Variants in IFT22 observed in about 807,000 individuals in gnomAD.
The protein encoded by IFT22 is intraflagellar transport 22, also known as intraflagellar transport protein 22 homolog.
A neutral mutation model predicts 21.0 loss-of-function variants in IFT22; 13 were observed. That is an observed-to-expected ratio of 0.62 (90% CI 0.40 to 0.98). The LOEUF is 0.98. Ranked by LOEUF, IFT22 falls within the 50% of genes least tolerant of loss-of-function variation. The pLI is 0.00. For synonymous variants in IFT22, 67 were observed against 82.4 expected (o/e 0.81, Z 1.01); for missense variants, 227 against 228.9 (o/e 0.99, Z 0.06).
intron 2 of IFT22, 122 bp downstream of exon 2, chr7:101,318,834 C>A: frequency 1.4e-6 from 1 of 722,984 alleles, no homozygotes; most frequent in South Asian, 1.6e-5. Context: ...CGGGGTCTCC[C>A]TATATTGCCC....
chr7:101,320,173 A>T (rs2410816), intron 1 of IFT22, among the ~76,000 whole-genome samples: 92,506 of 151,032 alleles, frequency 0.61, 30,436 homozygotes, highest in African/African-American at 0.88. Context: ...CTCAGGCTGG[A>T]CTCGAACTCC....
Position 101,311,927 on chromosome 7 carries a change from G to A in IFT22, c.*3207C>T, listed in dbSNP as rs941317296. Among the ~76,000 whole-genome samples the A allele has an allele frequency of 6.6e-6, 1 of 152,088 alleles. No individual in the cohort carries two copies. Among genetic ancestry groups the A allele is most frequent in the Non-Finnish European group, 1.5e-5 (1 of 68,020 alleles). On this transcript the variant is annotated 3_prime_UTR_variant, in exon 5 of 5. Transcript: ENST00000315322. ...GGAGGCTGAGGGAGGAGAATCAGTT[G>A]AACCCGGAGGGTGGAGATTGCAGTG...
At chr7:101,319,577 T>A (rs1179321482) in intron 1 of IFT22, among the ~76,000 whole-genome samples, 1 of 151,432 alleles carries the variant, frequency 6.6e-6, no homozygotes, top group Admixed American at 6.6e-5. Flanking sequence ...GACTCGTGGC[T>A]AGCTGTCTCA....
At chr7:101,317,150 AATT>A (rs879343077) in intron 3 of IFT22, among the ~76,000 whole-genome samples, 107 of 151,392 alleles carry the variant, frequency 7.1e-4, no homozygotes, top group African/African-American at 2.3e-3. Context: ...ATTAAAAAAA[AATT>A]ATTATTATTA....
intron 4 of IFT22, 79 bp downstream of exon 4, chr7:101,316,261 G>T: frequency 7.2e-7 from 1 of 1,381,310 alleles, no homozygotes; most frequent in Non-Finnish European, 1.0e-6. Context: ...CAGAGCTGCT[G>T]GTTTCTAGGA....
chr7:101,318,093 G>C (rs1289468335), intron 3 of IFT22, 31 bp downstream of exon 3: 4 of 1,580,306 alleles, frequency 2.5e-6, no homozygotes, highest in Non-Finnish European at 3.5e-6. Flanking sequence ...TAAACCATTT[G>C]ATGAAGTGAC....
In IFT22 at chr7:101,312,533, G is replaced by GTT. The variant is rs386410832; in HGVS notation, c.*2599_*2600dup. The stretch of plus-strand genomic sequence containing the variant: ...TAAATATAATGTTTTGGAGAGAGTT[G>GTT]TTTTTTTTTTTTTTTTTTTTGTGAC... On this transcript the variant is annotated 3_prime_UTR_variant, in exon 5 of 5. Coordinates refer to ENST00000315322, the MANE Select transcript of IFT22 (RefSeq NM_022777.4). Among the ~76,000 whole-genome samples the GTT allele has an allele frequency of 0.016, 1,842 of 114,518 alleles. 141 individuals are homozygous for GTT. Among genetic ancestry groups the GTT allele is most frequent in the African/African-American group, 0.054 (1,662 of 30,566 alleles). The allele number at this position is 114,518 out of a possible 152,430, so 75.1% of individuals were successfully genotyped here.
rs1361594683 is a variant in IFT22 at position 101,321,736 on chromosome 7, G to T, written c.-27C>A. The T allele has an allele frequency of 1.9e-6, 3 of 1,578,430 alleles. No individual in the cohort carries two copies. The highest frequency in any genetic ancestry group is 2.3e-5 in the East Asian group (1 of 43,182). On this transcript the variant is annotated 5_prime_UTR_variant, in exon 1 of 5. Coordinates refer to ENST00000315322, the MANE Select transcript of IFT22 (RefSeq NM_022777.4). Reference sequence around the variant, plus strand: ...GTTGTCCGCCGCGGCTTAGCCGGCCGGAGCCCACGGGAGGCGGCGCGTCAG... The same window carrying T: ...GTTGTCCGCCGCGGCTTAGCCGGCCTGAGCCCACGGGAGGCGGCGCGTCAG...
At chr7:101,315,362 G>A (rs1053811389) in intron 4 of IFT22, 80 bp from the exon 5 acceptor site, 21 of 1,477,968 alleles carry the variant, frequency 1.4e-5, no homozygotes, top group Non-Finnish European at 1.9e-5. Context: ...ACTTCTAGAA[G>A]AAATTTAACT....
chr7:101,320,730 C>T (rs1790317223), intron 1 of IFT22, among the ~76,000 whole-genome samples: 1 of 152,116 alleles, frequency 6.6e-6, no homozygotes, highest in South Asian at 2.1e-4. Flanking sequence ...AGGACTCGAG[C>T]AAAGGCTCAT....
rs139225518 is a variant in IFT22 at position 101,313,250 on chromosome 7, G to A, written c.*1884C>T. On this transcript the variant is annotated 3_prime_UTR_variant, in exon 5 of 5. Coordinates refer to ENST00000315322, the MANE Select transcript of IFT22 (RefSeq NM_022777.4). Reference sequence around the variant, plus strand: ...GTAGAGATGGGGTTTCGCCATGTTGGCCAGGCTGTTCTTGAACTCCTGGCT... The same window carrying A: ...GTAGAGATGGGGTTTCGCCATGTTGACCAGGCTGTTCTTGAACTCCTGGCT... The A allele has an allele frequency of 6.6e-3, 1,013 of 152,368 alleles. 27 individuals are homozygous for A. In the East Asian group the frequency reaches 0.092, roughly 14 times the overall value. The allele number at this position is 152,368 out of a possible 1,614,324, so 9.4% of individuals were successfully genotyped here. A position where few individuals can be genotyped will look rare whatever the true frequency, so the allele number is the denominator to read the frequency against.
At position 101,314,825 on chromosome 7, in the gene IFT22, C is replaced by CAATACAACTACT. The variant is rs1790092568; in HGVS notation, c.*308_*309insAGTAGTTGTATT. ...CTACTGTTGTATCATTGGGCTGCGACGGTTACAAGTCCACAAACTGTTTAA... is the reference window on the plus strand; with the variant it reads ...CTACTGTTGTATCATTGGGCTGCGACAATACAACTACTGGTTACAAGTCCACAAACTGTTTAA... On this transcript the variant is annotated 3_prime_UTR_variant, in exon 5 of 5. Coordinates refer to ENST00000315322, the MANE Select transcript of IFT22 (RefSeq NM_022777.4). 1.4e-5 allele frequency: 4 copies of CAATACAACTACT among 295,140 alleles called. No homozygotes were observed. Among genetic ancestry groups the CAATACAACTACT allele is most frequent in the Non-Finnish European group, 2.5e-5 (4 of 157,760 alleles). The allele number at this position is 295,140 out of a possible 1,614,324, so 18.3% of individuals were successfully genotyped here. A position where few individuals can be genotyped will look rare whatever the true frequency, so the allele number is the denominator to read the frequency against.
In IFT22 at chr7:101,316,385, G is replaced by A; in HGVS notation, c.364C>T (p.His122Tyr). ...LQDTQCMLIAHHKPGSGDDKG... is the reference protein window; with the variant it reads ...LQDTQCMLIAYHKPGSGDDKG... ...TCATCTCCAGAGCCTGGTTTGTGGT[G>A]TGCAATTAGCATACACTGTGTGTCC... The change falls in exon 4 of 5, where the codon CAC becomes TAC. Residue 122 changes from histidine to tyrosine, a missense_variant. By Grantham distance (83) the His-to-Tyr change is moderately conservative. Coordinates refer to ENST00000315322, the MANE Select transcript of IFT22 (RefSeq NM_022777.4). 2 of 1,614,160 alleles carry A rather than the reference G, an allele frequency of 1.2e-6. No individual in the cohort carries two copies. Among genetic ancestry groups the A allele is most frequent in the East Asian group, 4.5e-5 (2 of 44,880 alleles).
intron 1 of IFT22, among the ~76,000 whole-genome samples, chr7:101,319,366 C>T (rs1237415030): frequency 9.2e-5 from 14 of 152,020 alleles, no homozygotes; most frequent in Admixed American, 6.6e-4. Flanking sequence ...GGATTACAGG[C>T]GCCTGCCACC....
rs987246899 is a variant in IFT22 at position 101,313,129 on chromosome 7, C to T, written c.*2005G>A. 3.3e-5 allele frequency among the ~76,000 whole-genome samples: 5 copies of T among 152,056 alleles called. No individual in the cohort carries two copies. The highest frequency in any genetic ancestry group is 4.8e-5 in the African/African-American group (2 of 41,388). ...GATTACAGGCGTAAGCCACTGCACC[C>T]GGCCTCCAGGCTCAAGCAATTCTTA... On this transcript the variant is annotated 3_prime_UTR_variant, in exon 5 of 5. Coordinates refer to ENST00000315322, the MANE Select transcript of IFT22 (RefSeq NM_022777.4).
chr7:101,316,991 C>T (rs1443668481), intron 3 of IFT22, among the ~76,000 whole-genome samples: 1 of 151,660 alleles, frequency 6.6e-6, no homozygotes, highest in Non-Finnish European at 1.5e-5. Flanking sequence ...CAGGGTCTTG[C>T]TCTGTCTCCC....
At chr7:101,320,690 A>G (rs749854434) in intron 1 of IFT22, among the ~76,000 whole-genome samples, 12 of 151,886 alleles carry the variant, frequency 7.9e-5, no homozygotes, top group Admixed American at 2.0e-4. Context: ...TTAATAGCCA[A>G]TGGTTCCAGG....
intron 1 of IFT22, 111 bp downstream of exon 1, chr7:101,321,560 C>CG: frequency 8.4e-7 from 1 of 1,190,310 alleles, no homozygotes; most frequent in South Asian, 1.5e-5. Flanking sequence ...GCGGTGGGCC[C>CG]GGGTTCCCGC....
In IFT22 at chr7:101,311,404, G is replaced by C. The variant is rs1435153403; in HGVS notation, c.*3730C>G. Among the ~76,000 whole-genome samples the C allele has an allele frequency of 6.6e-6, 1 of 152,154 alleles. No homozygotes were observed. Among genetic ancestry groups the C allele is most frequent in the Non-Finnish European group, 1.5e-5 (1 of 68,026 alleles). On this transcript the variant is annotated 3_prime_UTR_variant, in exon 5 of 5. Transcript: ENST00000315322. ...TCTTGTTAGGCAGCTGTCATGGAAAGATGATTTAGTTCAGTTGACATTAAT... is the reference window on the plus strand; with the variant it reads ...TCTTGTTAGGCAGCTGTCATGGAAACATGATTTAGTTCAGTTGACATTAAT...
Sources: allele counts gnomAD v4.1 joint callset (sites outside exome capture counted in the v4.1 genomes callset), GRCh38; gene constraint gnomAD v4.1.1; transcripts MANE v1.5; gene names NCBI Gene and HGNC (gene_info 2026-07-23, HGNC 2026-07-21).